ANKRD30BL: variants seen among roughly 807,000 people sequenced by gnomAD.
The protein encoded by ANKRD30BL is putative ankyrin repeat domain-containing protein 30B-like.
A neutral mutation model predicts 18.4 loss-of-function variants in ANKRD30BL; 20 were observed. That is an observed-to-expected ratio of 1.09 (90% CI 0.77 to 1.58). The LOEUF (loss-of-function observed/expected upper bound fraction) is 1.58. Among genes scored for constraint, ANKRD30BL ranks in the 40% most tolerant of loss-of-function variants. The probability of loss-of-function intolerance (pLI) is 0.00; values close to 1 mark genes in which losing one functional copy is unlikely to be tolerated. For missense variants in ANKRD30BL, 224 were observed against 268.6 expected (o/e 0.83, Z 1.16); for synonymous variants, 72 against 100.9 (o/e 0.71, Z 1.72).
chr2:132,238,039 G>A lies in ANKRD30BL; in HGVS notation n.441+19490C>T, dbSNP rs375306004. ...TTCAAATCACAGATTCGAACATTCC[G>A]TTTCATAGAACAGTTTTGAAACACT... On this transcript the variant is annotated intron_variant and non_coding_transcript_variant, in intron 1 of 4. Coordinates refer to the ANKRD30BL transcript ENST00000470729. 5.3e-5 allele frequency among the ~76,000 whole-genome samples: 8 copies of A among 151,368 alleles called. No individual in the cohort carries two copies. In the East Asian group the frequency reaches 9.8e-4, roughly 18 times the overall value.
At chr2:132,217,964 C>T (rs1344335265) in intron 1 of ANKRD30BL, among the ~76,000 whole-genome samples, 2 of 151,704 alleles carry the variant, frequency 1.3e-5, no homozygotes, top group Admixed American at 6.6e-5. Context: ...AAACTCTAGA[C>T]AGAAGCATTC....
chr2:132,227,880 T>C (rs1204766170), intron 1 of ANKRD30BL, among the ~76,000 whole-genome samples: 1 of 152,056 alleles, frequency 6.6e-6, no homozygotes, highest in Non-Finnish European at 1.5e-5. Flanking sequence ...TAAGTGGGCA[T>C]TTGAAGCGCT....
chr2:132,175,421 G>A (rs1688350048), intron 1 of ANKRD30BL, among the ~76,000 whole-genome samples: 1 of 152,328 alleles, frequency 6.6e-6, no homozygotes, highest in South Asian at 2.1e-4. Context: ...CTGCCAACAT[G>A]TCTTGCCTCC....
intron 1 of ANKRD30BL, among the ~76,000 whole-genome samples, chr2:132,178,317 T>C (rs1354531464): frequency 1.3e-5 from 2 of 152,202 alleles, no homozygotes; most frequent in East Asian, 3.8e-4. Flanking sequence ...CCAAAGGATA[T>C]GTCAATGAGT....
intron 1 of ANKRD30BL, among the ~76,000 whole-genome samples, chr2:132,255,931 C>A (rs35528905): frequency 6.0e-4 from 92 of 152,254 alleles, no homozygotes; most frequent in African/African-American, 2.1e-3. Context: ...CCCGACCCCC[C>A]GGCCGGGGAC....
Position 132,252,309 on chromosome 2 carries a change from C to T in ANKRD30BL, n.441+5220G>A, listed in dbSNP as rs75985028. 5.9e-5 allele frequency among the ~76,000 whole-genome samples: 9 copies of T among 152,336 alleles called. No individual in the cohort carries two copies. In the South Asian group the frequency reaches 6.2e-4, roughly 11 times the overall value. On this transcript the variant is annotated intron_variant and non_coding_transcript_variant, in intron 1 of 4. Transcript: ENST00000470729. ...CTACATACTAAACGGAGGTGGGGGA[C>T]GGGTCCGAGGATGCAGCGGTGCTGC...
At chr2:132,237,988 T>G (rs375852186) in intron 1 of ANKRD30BL, among the ~76,000 whole-genome samples, 1 of 152,076 alleles carries the variant, frequency 6.6e-6, no homozygotes, top group Non-Finnish European at 1.5e-5. Context: ...AGAAGCATTC[T>G]CAGAAACCTC....
chr2:132,163,002 C>G (rs1295283827), upstream of ANKRD30BL, among the ~76,000 whole-genome samples: 1 of 152,208 alleles, frequency 6.6e-6, no homozygotes, highest in Non-Finnish European at 1.5e-5. Context: ...GCCTCAGGAT[C>G]CCTTCCTCGT....
intron 1 of ANKRD30BL, among the ~76,000 whole-genome samples, chr2:132,230,493 G>A (rs1221412076): frequency 2.6e-5 from 4 of 152,244 alleles, no homozygotes; most frequent in Admixed American, 2.0e-4. Flanking sequence ...ATACTAGACA[G>A]AAGCATTCTC....
At chr2:132,164,269 C>CTTTTTTTTTTTTTT (rs796313755), upstream of ANKRD30BL, among the ~76,000 whole-genome samples, 73 of 112,160 alleles carry the variant, frequency 6.5e-4, 2 homozygotes, top group African/African-American at 2.1e-3. Context: ...TTTTCTTTTT[C>CTTTTTTTTTTTTTT]TTTTTTTTTT....
At chr2:132,255,569 C>G (rs1180582665) in intron 1 of ANKRD30BL, among the ~76,000 whole-genome samples, 1 of 152,128 alleles carries the variant, frequency 6.6e-6, no homozygotes. Flanking sequence ...GCTGGAATTA[C>G]CACGGCTGCT....
chr2:132,252,350 A>G (rs1680672349), intron 1 of ANKRD30BL, among the ~76,000 whole-genome samples: 1 of 152,192 alleles, frequency 6.6e-6, no homozygotes, highest in African/African-American at 2.4e-5. Flanking sequence ...CCCGACATGG[A>G]AGCTCCGGAT....
In ANKRD30BL at chr2:132,223,953, C is replaced by T. The variant is rs62165554; in HGVS notation, n.441+33576G>A. ...AACGCTTTGAGGCCTTCGTTGGAAA[C>T]GAGAATATCTTCACATAAAAACTAG... On this transcript the variant is annotated intron_variant and non_coding_transcript_variant, in intron 1 of 4. Transcript: ENST00000470729. 2.8e-3 allele frequency among the ~76,000 whole-genome samples: 420 copies of T among 151,936 alleles called. 1 individual carries two copies. The highest frequency in any genetic ancestry group is 9.6e-3 in the African/African-American group (396 of 41,460).
Position 132,220,360 on chromosome 2 carries a change from C to T in ANKRD30BL, n.441+37169G>A, listed in dbSNP as rs1328260775. 4.0e-4 allele frequency among the ~76,000 whole-genome samples: 51 copies of T among 129,010 alleles called. 2 individuals are homozygous for T. Among genetic ancestry groups the T allele is most frequent in the African/African-American group, 1.4e-3 (47 of 34,420 alleles). The allele number at this position is 129,010 out of a possible 152,430, so 84.6% of individuals were successfully genotyped here. A position where few individuals can be genotyped will look rare whatever the true frequency, so the allele number is the denominator to read the frequency against. On this transcript the variant is annotated intron_variant and non_coding_transcript_variant, in intron 1 of 4. Coordinates refer to the ANKRD30BL transcript ENST00000470729. The stretch of plus-strand genomic sequence containing the variant: ...CCTCTCCCTCTCCCTGTCCCTCTCC[C>T]TCTCCCTCTCCCTCTCCCCACGGTC...
chr2:132,219,464 T>C (rs890330537), intron 1 of ANKRD30BL, among the ~76,000 whole-genome samples: 3 of 151,554 alleles, frequency 2.0e-5, no homozygotes, highest in Admixed American at 2.0e-4. Context: ...CTTTAAGCCC[T>C]ACGGTGGAAA....
chr2:132,239,599 T>C (rs979927698), intron 1 of ANKRD30BL, among the ~76,000 whole-genome samples: 3 of 151,988 alleles, frequency 2.0e-5, no homozygotes, highest in Non-Finnish European at 4.4e-5. Context: ...CAAGTGGATA[T>C]GTGGATAGCT....
At chr2:132,180,083 A>C (rs1271036613) in intron 1 of ANKRD30BL, among the ~76,000 whole-genome samples, 3 of 152,174 alleles carry the variant, frequency 2.0e-5, no homozygotes, top group African/African-American at 4.8e-5. Context: ...TTAAGTGTAC[A>C]TCCAGTACTG....
intron 1 of ANKRD30BL, among the ~76,000 whole-genome samples, chr2:132,159,180 A>G (rs1249248905): frequency 6.6e-6 from 1 of 152,072 alleles, no homozygotes; most frequent in East Asian, 1.9e-4. Context: ...CCCTCACTTG[A>G]TACACCAGAA....
At chr2:132,238,745 G>GATA (rs1680232145) in intron 1 of ANKRD30BL, among the ~76,000 whole-genome samples, 1 of 151,852 alleles carries the variant, frequency 6.6e-6, no homozygotes, top group African/African-American at 2.4e-5. Flanking sequence ...TCTGCAAGTG[G>GATA]ATATGTGGAT....
Sources: gnomAD v4.1 joint callset for allele counts (sites outside exome capture counted in the v4.1 genomes callset) on GRCh38, gnomAD v4.1.1 for gene constraint, MANE v1.5 for transcripts, NCBI Gene and HGNC (gene_info 2026-07-23, HGNC 2026-07-21) for gene names.